Variants in PCBP3 observed in about 807,000 individuals in gnomAD.
PCBP3 encodes poly(rC) binding protein 3.
PCBP3 carries 25 observed loss-of-function variants against 52.7 expected under a neutral mutation model. The observed-to-expected ratio is 0.47, with a 90% CI of 0.35 to 0.66. The LOEUF (loss-of-function observed/expected upper bound fraction) is 0.66. Among genes scored for constraint, PCBP3 ranks in the 30% least tolerant of loss-of-function variants. The probability of loss-of-function intolerance (pLI) is 0.01; values close to 1 mark genes in which losing one functional copy is unlikely to be tolerated. For synonymous variants in PCBP3, 162 were observed against 183.0 expected (o/e 0.89, Z 0.93); for missense variants, 391 against 490.3 (o/e 0.80, Z 1.91).
chr21:45,645,191 C>G (rs527938417), intron 1 of PCBP3, among the ~76,000 whole-genome samples: 2 of 152,034 alleles, frequency 1.3e-5, no homozygotes, highest in South Asian at 4.2e-4. Context: ...GGCCTTAAAA[C>G]TAACAAGTGC....
At chr21:45,913,804 C>A in intron 11 of PCBP3, 147 bp from the exon 12 acceptor site, 1 of 710,222 alleles carries the variant, frequency 1.4e-6, no homozygotes, top group Non-Finnish European at 2.3e-6. Context: ...ACTCCCCTCC[C>A]CCAGCACTGC....
intron 15 of PCBP3, among the ~76,000 whole-genome samples, chr21:45,931,968 T>C (rs999954128): frequency 6.6e-6 from 1 of 150,992 alleles, no homozygotes; most frequent in Non-Finnish European, 1.5e-5. Context: ...TGTCCTGAGA[T>C]GAACGAACAC....
In PCBP3 at chr21:45,694,108, A is replaced by G. The variant is rs1229449788; in HGVS notation, c.-200+25156A>G. The stretch of plus-strand genomic sequence containing the variant: ...AGCTGAGATTAAAACAACGGAATAA[A>G]AAATACCTCATTATTCCAAACGAAG... On this transcript the variant is annotated intron_variant, in intron 2 of 17. Transcript: ENST00000681687. Among the ~76,000 whole-genome samples, 3 of 152,280 alleles carry G rather than the reference A, an allele frequency of 2.0e-5. No individual in the cohort carries two copies. In the East Asian group the frequency reaches 5.8e-4, roughly 29 times the overall value.
chr21:45,940,389 G>A (rs550357307), intron 17 of PCBP3, among the ~76,000 whole-genome samples, 190 bp downstream of exon 17: 48 of 152,296 alleles, frequency 3.2e-4, no homozygotes, highest in African/African-American at 1.1e-3. Context: ...ATGTAGACAC[G>A]GGGCCACCTC....
intron 2 of PCBP3, among the ~76,000 whole-genome samples, chr21:45,730,963 T>C (rs1413581906): frequency 6.6e-6 from 1 of 152,076 alleles, no homozygotes. Flanking sequence ...GTGGTCTTGT[T>C]TTTTTATCAA....
chr21:45,903,108 AT>A (rs2096108949), intron 9 of PCBP3, among the ~76,000 whole-genome samples: 1 of 152,160 alleles, frequency 6.6e-6, no homozygotes, highest in Admixed American at 6.5e-5. Flanking sequence ...TGAGGTATTC[AT>A]CTGAGGCCAG....
chr21:45,782,097 A>G (rs955863938), intron 4 of PCBP3, among the ~76,000 whole-genome samples: 2 of 152,168 alleles, frequency 1.3e-5, no homozygotes, highest in African/African-American at 4.8e-5. Flanking sequence ...TTGGAGCAAG[A>G]TAACATTGTC....
At chr21:45,839,925 G>A (rs1321305229) in intron 4 of PCBP3, among the ~76,000 whole-genome samples, 1 of 151,984 alleles carries the variant, frequency 6.6e-6, no homozygotes, top group African/African-American at 2.4e-5. Flanking sequence ...GACCTCAAGT[G>A]ATCCACCTGC....
chr21:45,921,831 G>A (rs1295763575), intron 13 of PCBP3, among the ~76,000 whole-genome samples: 1 of 151,726 alleles, frequency 6.6e-6, no homozygotes, highest in Non-Finnish European at 1.5e-5. Context: ...AAAAAAAGGA[G>A]TCATCGGCAC....
intron 4 of PCBP3, among the ~76,000 whole-genome samples, chr21:45,847,384 G>C (rs62211885): frequency 0.17 from 25,380 of 152,074 alleles, 2,291 homozygotes; most frequent in Middle Eastern, 0.3. Flanking sequence ...CTGTTTCACA[G>C]CCCACCTCCA....
In PCBP3 at chr21:45,694,785, A is replaced by G. The variant is rs548429788; in HGVS notation, c.-200+25833A>G. On this transcript the variant is annotated intron_variant, in intron 2 of 17. Coordinates refer to ENST00000681687, the MANE Select transcript of PCBP3 (RefSeq NM_001384156.1). ...GTGCCTCTATAGTAAAGACAACAGA[A>G]TATCATTGAGAAAAATTAAAGAATG... 1.8e-3 allele frequency among the ~76,000 whole-genome samples: 273 copies of G among 152,346 alleles called. 1 individual carries two copies. The highest frequency in any genetic ancestry group is 6.3e-3 in the African/African-American group (263 of 41,596).
rs1209477660 is a variant in PCBP3, at chr21:45,784,335, G to GCTCTACCTCTACCTCTAC, written c.-126+28927_-126+28944dup. Among the ~76,000 whole-genome samples the GCTCTACCTCTACCTCTAC allele has an allele frequency of 1.9e-3, 198 of 105,840 alleles. 2 individuals are homozygous for GCTCTACCTCTACCTCTAC. Among genetic ancestry groups the GCTCTACCTCTACCTCTAC allele is most frequent in the South Asian group, 3.6e-3 (14 of 3,850 alleles). The allele number at this position is 105,840 out of a possible 152,430, so 69.4% of individuals were successfully genotyped here. On this transcript the variant is annotated intron_variant, in intron 4 of 17. Coordinates refer to ENST00000681687, the MANE Select transcript of PCBP3 (RefSeq NM_001384156.1). ...CCACCAGGGAATGTTAATAGTGACA[G>GCTCTACCTCTACCTCTAC]CTCTACCTCTACCTCTACCTCTACC...
At chr21:45,900,966 G>A in intron 8 of PCBP3, 31 bp from the exon 9 acceptor site, 1 of 1,537,086 alleles carries the variant, frequency 6.5e-7, no homozygotes, top group South Asian at 1.1e-5. Flanking sequence ...GTTTTAATCA[G>A]GTCGCTGGGG....
chr21:45,719,314 G>A, intron 2 of PCBP3, among the ~76,000 whole-genome samples: 1 of 152,164 alleles, frequency 6.6e-6, no homozygotes, highest in East Asian at 1.9e-4. Flanking sequence ...AGGGAGGCTA[G>A]AGGGGCCATC....
chr21:45,687,887 C>T (rs1880940543), intron 2 of PCBP3, among the ~76,000 whole-genome samples: 1 of 152,004 alleles, frequency 6.6e-6, no homozygotes, highest in Non-Finnish European at 1.5e-5. Flanking sequence ...GCCACCACCA[C>T]ACCTGGCTAA....
At chr21:45,911,296 C>G in intron 11 of PCBP3, 1 of 474,442 alleles carries the variant, frequency 2.1e-6, no homozygotes, top group South Asian at 2.0e-5. Context: ...CTCTCATCTT[C>G]GGATTTGGGT....
chr21:45,789,158 A>G (rs1310898899), intron 4 of PCBP3, among the ~76,000 whole-genome samples: 1 of 152,230 alleles, frequency 6.6e-6, no homozygotes, highest in East Asian at 1.9e-4. Context: ...AGCAGAGGTC[A>G]GGAGTGAATG....
chr21:45,771,078 C>T (rs952250952), intron 4 of PCBP3, among the ~76,000 whole-genome samples: 1 of 152,240 alleles, frequency 6.6e-6, no homozygotes, highest in Non-Finnish European at 1.5e-5. Context: ...ATGTCCTGGC[C>T]GGAAGGCCTG....
At chr21:45,688,902 T>A (rs1159249644) in intron 2 of PCBP3, among the ~76,000 whole-genome samples, 1 of 151,766 alleles carries the variant, frequency 6.6e-6, no homozygotes, top group Non-Finnish European at 1.5e-5. Context: ...TTACTAAAAT[T>A]GACTCATGAC....
Sources: gnomAD v4.1 joint callset for allele counts (sites outside exome capture counted in the v4.1 genomes callset) on GRCh38, gnomAD v4.1.1 for gene constraint, MANE v1.5 for transcripts, NCBI Gene and HGNC (gene_info 2026-07-23, HGNC 2026-07-21) for gene names.